Variants in CNTNAP3 observed in about 807,000 individuals in gnomAD.
CNTNAP3 encodes the protein contactin associated protein family member 3, also known as contactin-associated protein-like 3.
Under a neutral mutation model 92.1 loss-of-function variants are expected in CNTNAP3, and 36 were observed. That is an observed-to-expected ratio of 0.39 (90% CI 0.30 to 0.52). CNTNAP3 has a LOEUF of 0.52. CNTNAP3 is among the 20% of genes least tolerant of loss of function. The pLI is 0.76. For missense variants in CNTNAP3, 534 were observed against 1,069.6 expected (o/e 0.50, Z 6.98); for synonymous variants, 232 against 422.3 (o/e 0.55, Z 5.53).
chr9:39,131,671 C>T (rs1349895030), intron 13 of CNTNAP3, among the ~76,000 whole-genome samples: 1 of 152,152 alleles, frequency 6.6e-6, no homozygotes, highest in Non-Finnish European at 1.5e-5. Context: ...ACTAAAAATA[C>T]AAAAATTAGC....
chr9:39,144,397 A>G (rs978998364), intron 10 of CNTNAP3, 51 bp from the exon 11 acceptor site: 3 of 1,507,190 alleles, frequency 2.0e-6, no homozygotes, highest in East Asian at 4.9e-5. Context: ...TCATCAAAAA[A>G]TAAGTGTCTT....
At chr9:39,129,995 A>C (rs536209532) in intron 13 of CNTNAP3, among the ~76,000 whole-genome samples, 1 of 152,296 alleles carries the variant, frequency 6.6e-6, no homozygotes, top group African/African-American at 2.4e-5. Flanking sequence ...AATAGTCACA[A>C]CACCAAATGC....
At chr9:39,135,252 C>G (rs1821402499) in intron 12 of CNTNAP3, among the ~76,000 whole-genome samples, 1 of 152,094 alleles carries the variant, frequency 6.6e-6, no homozygotes, top group Admixed American at 6.6e-5. Flanking sequence ...TAAAGAGCAT[C>G]TAATATAACC....
chr9:39,133,892 G>A (rs1257698283), intron 12 of CNTNAP3, among the ~76,000 whole-genome samples: 5 of 152,150 alleles, frequency 3.3e-5, no homozygotes, highest in African/African-American at 1.2e-4. Context: ...CTATGCTGGT[G>A]CTGTCTGGTC....
chr9:39,078,771 C>A lies in CNTNAP3; in HGVS notation c.3592G>T (p.Ala1198Ser). ...PSRVTVRGHV[A>S]PMARCAAGAA... ...CCCGCTGCGCAGCGGGCCATAGGGGCCACGTGGCCGCGGACGGTGACCCGG... is the reference window on the plus strand; with the variant it reads ...CCCGCTGCGCAGCGGGCCATAGGGGACACGTGGCCGCGGACGGTGACCCGG... The change falls in exon 22 of 24, where the codon GCC (alanine) becomes TCC (serine). Residue 1198 changes from alanine (A) to serine (S), a missense_variant. Ala to Ser is a moderately conservative substitution (Grantham distance 99, BLOSUM62 1). Transcript: ENST00000297668. The A allele has an allele frequency of 4.0e-6, 6 of 1,518,464 alleles. No individual in the cohort carries two copies. The highest frequency in any genetic ancestry group is 4.4e-6 in the Non-Finnish European group (5 of 1,140,024). 94.1% of individuals were successfully genotyped at this position (1,518,464 alleles called of 1,614,324 possible). A position where few individuals can be genotyped will look rare whatever the true frequency, so the allele number is the denominator to read the frequency against.
At chr9:39,147,243 A>C (rs765334613) in intron 10 of CNTNAP3, among the ~76,000 whole-genome samples, 1 of 150,906 alleles carries the variant, frequency 6.6e-6, no homozygotes, top group African/African-American at 2.4e-5. Context: ...TAGCAGCATG[A>C]GAACAGACTA....
At chr9:39,074,539 T>C (rs1433951459) in intron 23 of CNTNAP3, among the ~76,000 whole-genome samples, 3 of 151,836 alleles carry the variant, frequency 2.0e-5, no homozygotes, top group African/African-American at 7.3e-5. Flanking sequence ...TTAGGCTTTT[T>C]CCCTACAGGT....
chr9:39,094,302 T>C (rs967270187), intron 18 of CNTNAP3, among the ~76,000 whole-genome samples: 2 of 151,728 alleles, frequency 1.3e-5, no homozygotes, highest in Admixed American at 1.3e-4. Flanking sequence ...TATCACATTC[T>C]GTGGATTGTC....
chr9:39,081,176 C>T (rs1234151878), intron 21 of CNTNAP3, among the ~76,000 whole-genome samples: 1 of 151,376 alleles, frequency 6.6e-6, no homozygotes, highest in African/African-American at 2.4e-5. Flanking sequence ...CAGGAAGAAA[C>T]TCGTGATTCT....
chr9:39,117,794 C>T lies in CNTNAP3; in HGVS notation c.2237+309G>A, dbSNP rs370229201. 271 of 349,832 alleles carry T rather than the reference C, an allele frequency of 7.7e-4. 2 individuals are homozygous for T. The East Asian group carries it at 0.015, about 19-fold the overall frequency. 21.7% of individuals were successfully genotyped at this position (349,832 alleles called of 1,614,324 possible). On this transcript the variant is annotated intron_variant, in intron 14 of 23. Transcript: ENST00000297668. The stretch of plus-strand genomic sequence containing the variant: ...TTTTTGAATTGCCACATGAATACTA[C>T]GTTAATTAATTAACTAAACTTCGCA...
chr9:39,075,506 T>C (rs1230324401), intron 23 of CNTNAP3, among the ~76,000 whole-genome samples: 1 of 152,248 alleles, frequency 6.6e-6, no homozygotes, highest in African/African-American at 2.4e-5. Context: ...GACAAATATT[T>C]TGAAGTAAAG....
At chr9:39,109,838 T>C (rs964091308) in intron 14 of CNTNAP3, among the ~76,000 whole-genome samples, 2 of 152,112 alleles carry the variant, frequency 1.3e-5, no homozygotes, top group African/African-American at 2.4e-5. Flanking sequence ...CCTTCTAAAA[T>C]TGTCTTAGAA....
chr9:39,115,174 A>G (rs1352729443), intron 14 of CNTNAP3, among the ~76,000 whole-genome samples: 2 of 151,396 alleles, frequency 1.3e-5, no homozygotes, highest in East Asian at 3.8e-4. Flanking sequence ...GCGATGGTTT[A>G]TATTAACAAT....
intron 11 of CNTNAP3, among the ~76,000 whole-genome samples, chr9:39,141,208 AT>A (rs1344518107): frequency 2.6e-5 from 4 of 152,192 alleles, no homozygotes; most frequent in Non-Finnish European, 5.9e-5. Context: ...ATTAAACTCT[AT>A]AATTAAGGAA....
chr9:39,149,632 C>T (rs1306633314), intron 10 of CNTNAP3, among the ~76,000 whole-genome samples, 174 bp downstream of exon 10: 2 of 151,966 alleles, frequency 1.3e-5, no homozygotes, highest in East Asian at 1.9e-4. Context: ...TGTGAGCCAC[C>T]GCGCCCGGCC....
intron 13 of CNTNAP3, among the ~76,000 whole-genome samples, chr9:39,126,756 T>C (rs1002845328): frequency 2.6e-5 from 4 of 151,870 alleles, no homozygotes; most frequent in Middle Eastern, 6.8e-3. Flanking sequence ...CCTATTAATA[T>C]AAGAAAACTG....
chr9:39,078,981 A>G, intron 21 of CNTNAP3, 61 bp from the exon 22 acceptor site: 1 of 1,416,654 alleles, frequency 7.1e-7, no homozygotes, highest in African/African-American at 1.5e-5. Flanking sequence ...GCGCAGGCAC[A>G]CCCCGCATCT....
At chr9:39,074,925 C>T (rs1283655614) in intron 23 of CNTNAP3, among the ~76,000 whole-genome samples, 16 of 152,288 alleles carry the variant, frequency 1.1e-4, no homozygotes, top group African/African-American at 3.6e-4. Flanking sequence ...CCCGCCACCG[C>T]GCCCGGCTAA....
chr9:39,084,645 A>G (rs62569963), intron 21 of CNTNAP3, among the ~76,000 whole-genome samples: 10,078 of 152,140 alleles, frequency 0.066, 431 homozygotes, highest in Admixed American at 0.13. Flanking sequence ...CTATTTTACT[A>G]TAAGTTAAGG....
Sources: gnomAD v4.1 joint callset for allele counts (sites outside exome capture counted in the v4.1 genomes callset) on GRCh38, gnomAD v4.1.1 for gene constraint, MANE v1.5 for transcripts, NCBI Gene and HGNC (gene_info 2026-07-23, HGNC 2026-07-21) for gene names.